FRMD6: variants seen among roughly 807,000 people sequenced by gnomAD.
The protein encoded by FRMD6 is FERM domain containing 6.
In FRMD6, 37 loss-of-function variants were observed where a neutral mutation model predicts 73.2. The ratio of observed to expected loss-of-function variants is 0.51; its 90% confidence interval spans 0.39 to 0.66. FRMD6 has a LOEUF of 0.66. FRMD6 is among the 30% of genes least tolerant of loss of function. The pLI is 0.00. For missense variants in FRMD6, 714 were observed against 780.5 expected (o/e 0.91, Z 1.02); for synonymous variants, 273 against 282.2 (o/e 0.97, Z 0.33).
chr14:51,651,683 G>T (rs1259668253), upstream of FRMD6: 1 of 151,974 alleles, frequency 6.6e-6, no homozygotes, highest in African/African-American at 2.4e-5. Context: ...GCACCCCTCC[G>T]CGGGACGCTT....
chr14:51,709,519 G>C (rs144218679), intron 7 of FRMD6, among the ~76,000 whole-genome samples: 13 of 152,244 alleles, frequency 8.5e-5, no homozygotes, highest in African/African-American at 2.9e-4. Flanking sequence ...CAGTAATCTT[G>C]TTAGCTGGTT....
chr14:51,605,386 CA>C (rs1215042650), intron 2 of FRMD6, among the ~76,000 whole-genome samples: 1 of 152,110 alleles, frequency 6.6e-6, no homozygotes, highest in Non-Finnish European at 1.5e-5. Context: ...AAGCACTTTA[CA>C]TATATTTGCA....
chr14:51,559,534 A>G (rs1350557951), intron 1 of FRMD6, among the ~76,000 whole-genome samples: 1 of 150,294 alleles, frequency 6.7e-6, no homozygotes, highest in African/African-American at 2.4e-5. Flanking sequence ...GGCATATGAG[A>G]GTTTACATCA....
chr14:51,659,816 C>A (rs1024979954), intron 1 of FRMD6, among the ~76,000 whole-genome samples: 2 of 152,160 alleles, frequency 1.3e-5, no homozygotes, highest in African/African-American at 4.8e-5. Context: ...GTTCTTTATT[C>A]CCAACCCCTA....
the FRMD6 span, among the ~76,000 whole-genome samples, chr14:51,479,714 G>A: frequency 1.3e-5 from 2 of 152,224 alleles, no homozygotes; most frequent in African/African-American, 4.8e-5. Context: ...AAAGCTGGCT[G>A]CTGCAACAGT....
At chr14:51,701,539 T>TA (rs1896314339) in intron 4 of FRMD6, among the ~76,000 whole-genome samples, 1 of 146,914 alleles carries the variant, frequency 6.8e-6, no homozygotes, top group Admixed American at 6.8e-5. Context: ...AAAGTGTATA[T>TA]ATATACTTAG....
intron 2 of FRMD6, among the ~76,000 whole-genome samples, chr14:51,697,619 G>T (rs934190530): frequency 6.6e-6 from 1 of 151,910 alleles, no homozygotes; most frequent in East Asian, 1.9e-4. Context: ...AAAATGCTAA[G>T]AATAAATTTT....
chr14:51,468,542 C>G, the FRMD6 span, among the ~76,000 whole-genome samples: 1 of 151,932 alleles, frequency 6.6e-6, no homozygotes, highest in Non-Finnish European at 1.5e-5. Flanking sequence ...AAAATAAGAA[C>G]AGTTTTACTT....
chr14:51,689,627 C>T (rs372543563), intron 1 of FRMD6, 64 bp from the exon 2 acceptor site: 1 of 567,676 alleles, frequency 1.8e-6, no homozygotes, highest in Non-Finnish European at 3.2e-6. Context: ...GCTTATCTTC[C>T]TGACGCGCTC....
At chr14:51,646,036 A>G (rs574107193) in intron 2 of FRMD6, among the ~76,000 whole-genome samples, 1 of 151,996 alleles carries the variant, frequency 6.6e-6, no homozygotes, top group South Asian at 2.1e-4. Flanking sequence ...CACTGAAGAG[A>G]GGCCGGGTGC....
intron 1 of FRMD6, among the ~76,000 whole-genome samples, chr14:51,678,063 C>T (rs1343052291): frequency 1.3e-5 from 2 of 152,128 alleles, no homozygotes; most frequent in African/African-American, 4.8e-5. Context: ...TTAACTAGTC[C>T]TGTTGTTTAC....
chr14:51,579,054 G>A (rs1008327854), intron 2 of FRMD6: 3 of 152,188 alleles, frequency 2.0e-5, no homozygotes, highest in Admixed American at 6.5e-5. Context: ...TGGGGCTGAA[G>A]ATGTATCACT....
chr14:51,429,478 C>T, the FRMD6 span, among the ~76,000 whole-genome samples: 1 of 152,106 alleles, frequency 6.6e-6, no homozygotes, highest in African/African-American at 2.4e-5. Flanking sequence ...ATTACCAAAC[C>T]ATTTTCTTCT....
chr14:51,491,835 C>T (rs1883022057), intron 1 of FRMD6, among the ~76,000 whole-genome samples: 1 of 152,138 alleles, frequency 6.6e-6, no homozygotes, highest in African/African-American at 2.4e-5. Context: ...TAGGCAGAAT[C>T]CCTTCTGGCC....
chr14:51,709,424 T>C (rs1050801646), intron 7 of FRMD6, among the ~76,000 whole-genome samples: 3 of 152,210 alleles, frequency 2.0e-5, no homozygotes, highest in Admixed American at 1.3e-4. Context: ...GATAGTATTA[T>C]GCTTGTTATC....
chr14:51,419,378 G>A, the FRMD6 span, among the ~76,000 whole-genome samples: 1 of 152,148 alleles, frequency 6.6e-6, no homozygotes, highest in South Asian at 2.1e-4. Context: ...TCAATTTCTT[G>A]ACCTCGTGAT....
intron 1 of FRMD6, among the ~76,000 whole-genome samples, chr14:51,540,488 G>A (rs950045667): frequency 6.6e-6 from 1 of 152,096 alleles, no homozygotes; most frequent in Admixed American, 6.6e-5. Context: ...GTGCTGTTTT[G>A]TCTTTGGGTC....
At chr14:51,422,907 A>T in the FRMD6 span, among the ~76,000 whole-genome samples, 2 of 152,218 alleles carry the variant, frequency 1.3e-5, no homozygotes, top group African/African-American at 2.4e-5. Flanking sequence ...GCATGGTCAC[A>T]TGGTTTGCCT....
At chr14:51,656,856 C>G (rs1320323223) in intron 1 of FRMD6, among the ~76,000 whole-genome samples, 1 of 152,198 alleles carries the variant, frequency 6.6e-6, no homozygotes, top group African/African-American at 2.4e-5. Flanking sequence ...TAATTCTGAC[C>G]AAAAATATCT....
Sources: allele counts gnomAD v4.1 joint callset (sites outside exome capture counted in the v4.1 genomes callset), GRCh38; gene constraint gnomAD v4.1.1; transcripts MANE v1.5; gene names NCBI Gene and HGNC (gene_info 2026-07-23, HGNC 2026-07-21).